Variants in ZNF148 observed in about 807,000 individuals in gnomAD.
The protein encoded by ZNF148 is zinc finger protein 148.
ZNF148 carries 7 observed loss-of-function variants against 67.7 expected under a neutral mutation model. That is an observed-to-expected ratio of 0.10 (90% confidence interval 0.06 to 0.19). The LOEUF (loss-of-function observed/expected upper bound fraction) is 0.19. Among genes scored for constraint, ZNF148 ranks in the 10% least tolerant of loss-of-function variants. The pLI is 1.00. For synonymous variants in ZNF148, 333 were observed against 330.7 expected (o/e 1.01, Z -0.08); for missense variants, 583 against 947.1 (o/e 0.62, Z 5.05).
rs867398279 is a variant in ZNF148, at chr3:125,277,793, T to C, written c.600A>G (p.Gln200=). Residue 200 remains glutamine, a synonymous_variant, in exon 7 of 9, where the codon CAA becomes CAG. Transcript: ENST00000360647. The stretch of plus-strand genomic sequence containing the variant: ...TGAAACGCATGTCACATTGACTACA[T>C]TGAAATGGTTTTTCACCTTAAAATA... The part of the protein sequence containing the change: ...VFIHTGEKPF[Q]CSQCDMRFIQ... 26 of 1,609,362 alleles carry C rather than the reference T, an allele frequency of 1.6e-5. No individual in the cohort carries two copies. The Middle Eastern group carries it at 1.2e-3, about 71-fold the overall frequency.
intron 4 of ZNF148, among the ~76,000 whole-genome samples, chr3:125,300,531 T>C (rs1363733693): frequency 3.3e-5 from 5 of 152,184 alleles, no homozygotes; most frequent in Admixed American, 2.0e-4. Context: ...CCTGGGTCAT[T>C]AAATGAATTA....
chr3:125,246,551 A>G (rs760374520), intron 7 of ZNF148, among the ~76,000 whole-genome samples: 4 of 152,202 alleles, frequency 2.6e-5, no homozygotes, highest in Admixed American at 6.5e-5. Context: ...CAAATGTTAA[A>G]TGAGATAATT....
At chr3:125,321,203 A>G (rs968564762) in intron 3 of ZNF148, among the ~76,000 whole-genome samples, 25 of 152,188 alleles carry the variant, frequency 1.6e-4, no homozygotes, top group Non-Finnish European at 2.5e-4. Flanking sequence ...GTTAATTTTT[A>G]AAGTACTACT....
chr3:125,368,182 T>C (rs1418764785), intron 1 of ZNF148, among the ~76,000 whole-genome samples: 2 of 152,244 alleles, frequency 1.3e-5, no homozygotes, highest in Non-Finnish European at 2.9e-5. Context: ...ACTTAAACTA[T>C]CTTGCTCAAG....
At chr3:125,314,299 T>G (rs1940379867) in intron 3 of ZNF148, among the ~76,000 whole-genome samples, 1 of 152,208 alleles carries the variant, frequency 6.6e-6, no homozygotes, top group South Asian at 2.1e-4. Flanking sequence ...GCTATAAAAA[T>G]GTACATATTC....
chr3:125,328,828 T>C (rs1354536948), intron 2 of ZNF148, among the ~76,000 whole-genome samples: 1 of 151,798 alleles, frequency 6.6e-6, no homozygotes, highest in East Asian at 1.9e-4. Flanking sequence ...AACTGACAAA[T>C]ATTAAAAAGT....
intron 7 of ZNF148, among the ~76,000 whole-genome samples, chr3:125,274,690 G>T (rs1219603475): frequency 6.6e-6 from 1 of 152,212 alleles, no homozygotes; most frequent in African/African-American, 2.4e-5. Context: ...AAGGGGCAGA[G>T]AATGGGCTTG....
intron 2 of ZNF148, among the ~76,000 whole-genome samples, chr3:125,323,897 T>C (rs560495039): frequency 1.3e-5 from 2 of 151,418 alleles, no homozygotes; most frequent in East Asian, 3.9e-4. Flanking sequence ...AGGCAGAGCT[T>C]GCAGTGAGCC....
intron 1 of ZNF148, among the ~76,000 whole-genome samples, chr3:125,342,121 A>G (rs1324285233): frequency 2.5e-5 from 2 of 79,010 alleles, no homozygotes; most frequent in Admixed American, 2.3e-4. Flanking sequence ...TTAGGGAACT[A>G]CAGGGCAATA....
intron 1 of ZNF148, among the ~76,000 whole-genome samples, chr3:125,348,781 C>T (rs986480546): frequency 3.9e-5 from 6 of 152,128 alleles, no homozygotes; most frequent in Non-Finnish European, 7.3e-5. Flanking sequence ...CAAAAGCCCC[C>T]GAATGTAGCC....
rs991766262 is a variant in ZNF148 at position 125,230,959 on chromosome 3, T to C, written c.*1382A>G. On this transcript the variant is annotated 3_prime_UTR_variant, in exon 9 of 9. Coordinates refer to ENST00000360647, the MANE Select transcript of ZNF148 (RefSeq NM_021964.3). ...TATATATACATAAAAGCACTATTTA[T>C]TGTACCATGCTGTATTATTTTAAGA... is the stretch of plus-strand genomic sequence containing the variant. 3 of 152,472 alleles carry C rather than the reference T, an allele frequency of 2.0e-5. No individual in the cohort carries two copies. The highest frequency in any genetic ancestry group is 7.2e-5 in the African/African-American group (3 of 41,436). The allele number at this position is 152,472 out of a possible 1,614,324, so 9.4% of individuals were successfully genotyped here.
intron 1 of ZNF148, among the ~76,000 whole-genome samples, chr3:125,351,067 T>TCCAC (rs1942130511): frequency 6.6e-6 from 1 of 151,598 alleles, no homozygotes; most frequent in Admixed American, 6.6e-5. Flanking sequence ...TGAGGCTGGG[T>TCCAC]GTGGTGGCCC....
chr3:125,362,650 G>A (rs76787373), intron 1 of ZNF148, among the ~76,000 whole-genome samples: 11 of 151,478 alleles, frequency 7.3e-5, no homozygotes. Flanking sequence ...CGCCTCCCAA[G>A]CTCAAGTGAT....
At chr3:125,334,708 A>G (rs945837913) in intron 1 of ZNF148, among the ~76,000 whole-genome samples, 2 of 152,218 alleles carry the variant, frequency 1.3e-5, no homozygotes, top group Non-Finnish European at 2.9e-5. Flanking sequence ...AGAATACAAA[A>G]GTAGTAAGAG....
intron 2 of ZNF148, among the ~76,000 whole-genome samples, chr3:125,323,687 G>A (rs1235869585): frequency 6.6e-6 from 1 of 152,078 alleles, no homozygotes; most frequent in East Asian, 1.9e-4. Context: ...CCGGCCAGTC[G>A]CAGTTGCTCA....
At chr3:125,336,273 T>C (rs1333630169) in intron 1 of ZNF148, among the ~76,000 whole-genome samples, 1 of 152,248 alleles carries the variant, frequency 6.6e-6, no homozygotes, top group East Asian at 1.9e-4. Flanking sequence ...TAAAAATGCT[T>C]ACAGTCCTTT....
In ZNF148 at chr3:125,233,704, T is replaced by C. The variant is rs1169686561; in HGVS notation, c.1022A>G (p.Asp341Gly). Reference sequence around the variant, plus strand: ...ATAAAGAGGCAAGTAATCATTTTTGTCTTTTTTCAGGTCAGATTTGTCCAA... The same window carrying C: ...ATAAAGAGGCAAGTAATCATTTTTGCCTTTTTTCAGGTCAGATTTGTCCAA... ...SALDKSDLKKDKNDYLPLYSS... is the reference protein window; with the variant it reads ...SALDKSDLKKGKNDYLPLYSS... The change falls in exon 9 of 9, where the codon GAC (aspartate) becomes GGC (glycine). Residue 341 changes from aspartate to glycine, a missense_variant. By Grantham distance (94) the Asp-to-Gly change is moderately conservative. Coordinates refer to ENST00000360647, the MANE Select transcript of ZNF148 (RefSeq NM_021964.3). This position sits in a 1 kb window ranked among gnomAD's most constrained non-coding sequence, Gnocchi z 5.1. The C allele has an allele frequency of 1.2e-6, 2 of 1,613,826 alleles. No individual in the cohort carries two copies. Among genetic ancestry groups the C allele is most frequent in the Non-Finnish European group, 1.7e-6 (2 of 1,179,894 alleles).
intron 1 of ZNF148, among the ~76,000 whole-genome samples, chr3:125,361,161 C>T (rs2107781585): frequency 6.6e-6 from 1 of 152,272 alleles, no homozygotes; most frequent in Admixed American, 6.5e-5. Context: ...CCTGTCTCAT[C>T]TTACCTGGCT....
intron 7 of ZNF148, among the ~76,000 whole-genome samples, chr3:125,247,917 A>G (rs1424568566): frequency 6.6e-6 from 1 of 152,178 alleles, no homozygotes; most frequent in East Asian, 1.9e-4. Context: ...ACAAAACAAA[A>G]CAAAAAAACC....
Sources: gnomAD v4.1 joint callset for allele counts (sites outside exome capture counted in the v4.1 genomes callset) on GRCh38, gnomAD v4.1.1 for gene constraint, Gnocchi (gnomAD v3.1) non-coding constraint, MANE v1.5 for transcripts, NCBI Gene and HGNC (gene_info 2026-07-23, HGNC 2026-07-21) for gene names.